PSMC3IP: variants seen among roughly 807,000 people sequenced by gnomAD.
PSMC3IP encodes PSMC3 interacting protein.
Under a neutral mutation model 34.9 loss-of-function variants are expected in PSMC3IP, and 26 were observed. The ratio of observed to expected loss-of-function variants is 0.74; its 90% CI spans 0.55 to 1.03. The LOEUF (loss-of-function observed/expected upper bound fraction) is 1.03. Among genes scored for constraint, PSMC3IP ranks in the 50% least tolerant of loss-of-function variants. PSMC3IP has a pLI of 0.00. For missense variants in PSMC3IP, 250 were observed against 263.1 expected (o/e 0.95, Z 0.34); for synonymous variants, 87 against 96.5 (o/e 0.90, Z 0.57).
chr17:42,572,992 G>C lies in PSMC3IP; in HGVS notation c.630C>G (p.Tyr210Ter). The C allele has an allele frequency of 6.2e-7, 1 of 1,614,232 alleles. No individual in the cohort carries two copies. Among genetic ancestry groups the C allele is most frequent in the Non-Finnish European group, 8.5e-7 (1 of 1,180,038 alleles). Residue 210 changes from tyrosine to a stop codon, truncating the protein, a stop_gained, in exon 8 of 8, where the codon TAC becomes TAG. Transcript: ENST00000393795. LOFTEE classifies it high-confidence loss of function. ...EEVGIETDED[Y>*]NVTLPDP is the part of the protein sequence containing the mutation. ...CTCAGGGGTCTGGGAGTGTGACGTT[G>C]TAATCTTCATCCGTCTCTATCCCAA...
intron 3 of PSMC3IP, 109 bp from the exon 4 acceptor site, chr17:42,574,319 A>G (rs754869108): frequency 7.1e-5 from 109 of 1,540,524 alleles, no homozygotes; most frequent in Middle Eastern, 4.1e-4. Context: ...GCCACACCCC[A>G]AAGTCTCCAG....
intron 4 of PSMC3IP, chr17:42,573,872 CAG>C (rs2093054776): frequency 6.5e-7 from 1 of 1,531,660 alleles, no homozygotes; most frequent in Non-Finnish European, 8.7e-7. Context: ...AACGTGGGGA[CAG>C]TGTACTGATA....
At chr17:42,573,391 A>G (rs988725101) in intron 5 of PSMC3IP, 27 bp from the exon 6 acceptor site, 2 of 1,613,870 alleles carry the variant, frequency 1.2e-6, no homozygotes, top group African/African-American at 2.7e-5. Flanking sequence ...AGTTCCTCTA[A>G]CTCCTCAGAA....
At chr17:42,576,098 G>A (rs2093073954) in intron 3 of PSMC3IP, among the ~76,000 whole-genome samples, 1 of 152,224 alleles carries the variant, frequency 6.6e-6, no homozygotes, top group Non-Finnish European at 1.5e-5. Context: ...ATTCAAGGAA[G>A]ATTTCTGGAA....
chr17:42,577,144 T>C, intron 3 of PSMC3IP, 69 bp downstream of exon 3: 1 of 1,609,862 alleles, frequency 6.2e-7, no homozygotes, highest in Non-Finnish European at 8.5e-7. Flanking sequence ...CCCCAAAGAG[T>C]TCACACCAGG....
intron 3 of PSMC3IP, among the ~76,000 whole-genome samples, chr17:42,576,458 G>A (rs1469768027): frequency 6.6e-6 from 1 of 152,036 alleles, no homozygotes; most frequent in Non-Finnish European, 1.5e-5. Flanking sequence ...AATAAAGAGG[G>A]CGTGAACTAG....
upstream of PSMC3IP, chr17:42,577,792 G>T: frequency 7.2e-7 from 1 of 1,381,564 alleles, no homozygotes; most frequent in Non-Finnish European, 1.0e-6. Flanking sequence ...GGCTGAAGGG[G>T]AAGCCTTCCG....
rs1476306958 is a variant in PSMC3IP at position 42,573,899 on chromosome 17, A to G, written c.337+200T>C. On this transcript the variant is annotated intron_variant, in intron 4 of 7. Coordinates refer to ENST00000393795, the MANE Select transcript of PSMC3IP (RefSeq NM_016556.4). ...GTGTACTGATAATCGTGGCAGGGAGAACAAATGCGTATCTTGTCCATTTGT... is the reference window on the plus strand; with the variant it reads ...GTGTACTGATAATCGTGGCAGGGAGGACAAATGCGTATCTTGTCCATTTGT... 2.0e-6 allele frequency: 3 copies of G among 1,531,964 alleles called. No individual in the cohort carries two copies. In the African/African-American group the frequency reaches 4.1e-5, roughly 21 times the overall value. The allele number at this position is 1,531,964 out of a possible 1,614,324, so 94.9% of individuals were successfully genotyped here.
At chr17:42,573,870 G>A (rs2093054739) in intron 4 of PSMC3IP, 2 of 1,531,800 alleles carry the variant, frequency 1.3e-6, no homozygotes, top group Non-Finnish European at 1.7e-6. Context: ...GAAACGTGGG[G>A]ACAGTGTACT....
intron 3 of PSMC3IP, 74 bp downstream of exon 3, chr17:42,577,137 CAA>C: frequency 6.2e-7 from 1 of 1,606,738 alleles, no homozygotes. Flanking sequence ...GCCTTGTCCC[CAA>C]AGAGTTCACA....
At position 42,577,670 on chromosome 17, in the gene PSMC3IP, G is replaced by T; in HGVS notation, c.17C>A (p.Ala6Glu). 6.2e-7 allele frequency: 1 copy of T among 1,614,152 alleles called. No homozygotes were observed. Among genetic ancestry groups the T allele is most frequent in the Non-Finnish European group, 8.5e-7 (1 of 1,180,008 alleles). MSKGR[A>E]EAAAGAAGIL... ...GCCGTTACCTCCCGCCGCAGCTTCT[G>T]CCCGGCCTTTACTCATCGCCTTTCC... The change falls in exon 1 of 8, where the codon GCA (alanine) becomes GAA (glutamate). Residue 6 changes from alanine (A) to glutamate (E), a missense_variant. Physicochemically the swap from Ala to Glu is moderately radical, Grantham distance 107 (BLOSUM62 -1). Transcript: ENST00000393795.
At position 42,575,695 on chromosome 17, in the gene PSMC3IP, A is replaced by G. The variant is rs566084290; in HGVS notation, c.226-1485T>C. 4.6e-5 allele frequency among the ~76,000 whole-genome samples: 7 copies of G among 152,210 alleles called. No homozygotes were observed. The South Asian group carries it at 1.5e-3, about 32-fold the overall frequency. On this transcript the variant is annotated intron_variant, in intron 3 of 7. Coordinates refer to ENST00000393795, the MANE Select transcript of PSMC3IP (RefSeq NM_016556.4). ...AATAAAGGAGACAAGTAAAAATTGT[A>G]ATACAGCATGCCTCAAAAGAGGTAA...
At position 42,573,461 on chromosome 17, in the gene PSMC3IP, A is replaced by G. The variant is rs1249210818; in HGVS notation, c.483+17T>C. 4 of 1,614,212 alleles carry G rather than the reference A, an allele frequency of 2.5e-6. No individual in the cohort carries two copies. The highest frequency in any genetic ancestry group is 3.4e-6 in the Non-Finnish European group (4 of 1,180,036). On this transcript the variant is annotated intron_variant, in intron 5 of 7. Transcript: ENST00000393795. ...CACTCTGGACCTGCACAGCGGTCCT[A>G]CAGCCTTCCAGCTCACCTGCTCTTT...
chr17:42,573,882 A>T (rs1158234985), intron 4 of PSMC3IP: 1 of 1,531,878 alleles, frequency 6.5e-7, no homozygotes, highest in Non-Finnish European at 8.7e-7. Context: ...CAGTGTACTG[A>T]TAATCGTGGC....
At chr17:42,575,810 C>T (rs2093071586) in intron 3 of PSMC3IP, among the ~76,000 whole-genome samples, 1 of 148,910 alleles carries the variant, frequency 6.7e-6, no homozygotes, top group Non-Finnish European at 1.5e-5. Flanking sequence ...AGATCAAGAC[C>T]ATCCTGGCTA....
chr17:42,577,220 G>T lies in PSMC3IP; in HGVS notation c.218C>A (p.Ala73Glu), dbSNP rs772565148. The change falls in exon 3 of 8, where the codon GCG becomes GAG. Residue 73 changes from alanine (A) to glutamate (E), a missense_variant. Ala to Glu is a moderately radical substitution (Grantham distance 107, BLOSUM62 -1). Transcript: ENST00000393795. Reference protein sequence around the residue: ...KMYGKQKIYFADQDQFDMVSD... With the variant: ...KMYGKQKIYFEDQDQFDMVSD... ...GGCGCAAGTTCTCCTCACCTGATCC[G>T]CAAAATAGATCTTCTGCTTGCCGTA... is the stretch of plus-strand genomic sequence containing the variant. The T allele has an allele frequency of 1.2e-6, 2 of 1,613,898 alleles. No individual in the cohort carries two copies. The highest frequency in any genetic ancestry group is 8.5e-7 in the Non-Finnish European group (1 of 1,179,978).
intron 3 of PSMC3IP, 85 bp downstream of exon 3, chr17:42,577,128 C>A: frequency 6.3e-7 from 1 of 1,597,588 alleles, no homozygotes; most frequent in East Asian, 2.2e-5. Context: ...CCATGGGGGG[C>A]CTTGTCCCCA....
rs896698146 is a variant in PSMC3IP at position 42,573,742 on chromosome 17, T to G, written c.338-119A>C. 1.0e-5 allele frequency: 16 copies of G among 1,524,070 alleles called. No individual in the cohort carries two copies. The Admixed American group carries it at 1.4e-4, about 13-fold the overall frequency. The allele number at this position is 1,524,070 out of a possible 1,614,324, so 94.4% of individuals were successfully genotyped here. On this transcript the variant is annotated intron_variant, in intron 4 of 7. Coordinates refer to ENST00000393795, the MANE Select transcript of PSMC3IP (RefSeq NM_016556.4). ...TGGATCTATCATCTCACATGGAAAC[T>G]AAGCCATACAGGATTATTTATTCTT...
chr17:42,573,272 G>A, intron 6 of PSMC3IP, 39 bp downstream of exon 6: 1 of 1,613,902 alleles, frequency 6.2e-7, no homozygotes, highest in Non-Finnish European at 8.5e-7. Flanking sequence ...ATTTTCAAAG[G>A]CACCTCCAGG....
Sources: allele counts gnomAD v4.1 joint callset (sites outside exome capture counted in the v4.1 genomes callset), GRCh38; gene constraint gnomAD v4.1.1; transcripts MANE v1.5; gene names NCBI Gene and HGNC (gene_info 2026-07-23, HGNC 2026-07-21).